Variants in HS3ST1 observed in about 807,000 individuals in gnomAD.
The protein encoded by HS3ST1 is heparan sulfate glucosamine 3-O-sulfotransferase 1.
A neutral mutation model predicts 20.7 loss-of-function variants in HS3ST1; 8 were observed. The observed-to-expected ratio is 0.39, with a 90% confidence interval of 0.23 to 0.70. The LOEUF (loss-of-function observed/expected upper bound fraction) is 0.70, where lower values mean the gene tolerates loss of function less well. Among genes scored for constraint, HS3ST1 ranks in the 30% least tolerant of loss-of-function variants. The probability of loss-of-function intolerance (pLI) is 0.46; values close to 1 mark genes in which losing one functional copy is unlikely to be tolerated. For missense variants in HS3ST1, 436 were observed against 423.4 expected (o/e 1.03, Z -0.26); for synonymous variants, 205 against 190.4 (o/e 1.08, Z -0.63).
upstream of HS3ST1, among the ~76,000 whole-genome samples, chr4:11,433,839 G>A (rs1031793257): frequency 1.3e-5 from 2 of 152,192 alleles, no homozygotes; most frequent in African/African-American, 4.8e-5. Flanking sequence ...TGCATTAACA[G>A]AAAAATTACA....
intron 1 of HS3ST1, among the ~76,000 whole-genome samples, chr4:11,409,076 G>A (rs1489877526): frequency 6.6e-6 from 1 of 152,204 alleles, no homozygotes; most frequent in Non-Finnish European, 1.5e-5. Flanking sequence ...ACTGAGGTAA[G>A]CAGAGAACAA....
In HS3ST1 at chr4:11,399,094, A is replaced by C; in HGVS notation, c.912T>G (p.Phe304Leu). 6.2e-7 allele frequency: 1 copy of C among 1,611,398 alleles called. No homozygotes were observed. The highest frequency in any genetic ancestry group is 8.5e-7 in the Non-Finnish European group (1 of 1,177,770). ...KKFFELVGRT[F>L]DWH Reference sequence around the variant, plus strand: ...AGCTTATTGCAAATCAGTGCCAGTCAAATGTTCTGCCAACAAGCTCGAAGA... The same window carrying C: ...AGCTTATTGCAAATCAGTGCCAGTCCAATGTTCTGCCAACAAGCTCGAAGA... The change falls in exon 2 of 2, where the codon TTT (phenylalanine) becomes TTG (leucine). Residue 304 changes from phenylalanine (F) to leucine (L), a missense_variant. Coordinates refer to ENST00000002596, the MANE Select transcript of HS3ST1 (RefSeq NM_005114.4). This position sits in a 1 kb window ranked among gnomAD's most constrained non-coding sequence, Gnocchi z 5.1.
At chr4:11,404,330 G>C (rs1315697538) in intron 1 of HS3ST1, among the ~76,000 whole-genome samples, 1 of 152,188 alleles carries the variant, frequency 6.6e-6, no homozygotes, top group East Asian at 1.9e-4. Context: ...GATTCCAGGT[G>C]TGAGCCACCA....
chr4:11,422,631 C>T (rs1164211912), intron 1 of HS3ST1, among the ~76,000 whole-genome samples: 4 of 151,720 alleles, frequency 2.6e-5, no homozygotes, highest in Non-Finnish European at 4.4e-5. Context: ...TGCACAACTG[C>T]CTTGTGAACG....
At chr4:11,433,561 C>T (rs149119864), upstream of HS3ST1, among the ~76,000 whole-genome samples, 732 of 152,230 alleles carry the variant, frequency 4.8e-3, 3 homozygotes, top group South Asian at 0.021. Context: ...AATTGTGGCA[C>T]TCTCTTTGAT....
In HS3ST1 at chr4:11,393,531, C is replaced by A. The variant is rs76320854; in HGVS notation, c.*5551G>T. 1 of 152,154 alleles carries A rather than the reference C, an allele frequency of 6.6e-6. No homozygotes were observed. Among genetic ancestry groups the A allele is most frequent in the African/African-American group, 2.4e-5 (1 of 41,432 alleles). 9.4% of individuals were successfully genotyped at this position (152,154 alleles called of 1,614,324 possible). A position where few individuals can be genotyped will look rare whatever the true frequency, so the allele number is the denominator to read the frequency against. On this transcript the variant is annotated 3_prime_UTR_variant, in exon 2 of 2. Coordinates refer to ENST00000002596, the MANE Select transcript of HS3ST1 (RefSeq NM_005114.4). Reference sequence around the variant, plus strand: ...AGAGTGGATGGTCTAGAAGCAAAGTCTGAGGGGGGATTCCTGTTTTCTTGG... The same window carrying A: ...AGAGTGGATGGTCTAGAAGCAAAGTATGAGGGGGGATTCCTGTTTTCTTGG...
At chr4:11,421,732 C>CTA (rs1467304578) in intron 1 of HS3ST1, among the ~76,000 whole-genome samples, 2 of 152,190 alleles carry the variant, frequency 1.3e-5, no homozygotes, top group Non-Finnish European at 2.9e-5. Context: ...TGTTTCACAT[C>CTA]TAAATGTATT....
At chr4:11,404,959 T>G (rs1461766832) in intron 1 of HS3ST1, among the ~76,000 whole-genome samples, 1 of 152,232 alleles carries the variant, frequency 6.6e-6, no homozygotes, top group Non-Finnish European at 1.5e-5. Flanking sequence ...TCTAGAAAGT[T>G]AGAGGAGGTG....
intron 1 of HS3ST1, among the ~76,000 whole-genome samples, chr4:11,406,019 C>G (rs1049945249): frequency 2.6e-5 from 4 of 152,168 alleles, no homozygotes; most frequent in African/African-American, 9.7e-5. Context: ...CACAGCCCCT[C>G]AATGAGAGAT....
At chr4:11,403,286 C>A (rs1718378028) in intron 1 of HS3ST1, among the ~76,000 whole-genome samples, 1 of 152,196 alleles carries the variant, frequency 6.6e-6, no homozygotes, top group Non-Finnish European at 1.5e-5. Flanking sequence ...TGGGAGCCAA[C>A]TTCCTCTTGT....
upstream of HS3ST1, among the ~76,000 whole-genome samples, chr4:11,430,042 C>G (rs1009816590): frequency 6.6e-6 from 1 of 151,824 alleles, no homozygotes; most frequent in Non-Finnish European, 1.5e-5. Flanking sequence ...TATATTTCAC[C>G]AACATTGTTT....
chr4:11,414,020 G>A (rs1034833658), intron 1 of HS3ST1: 3 of 152,292 alleles, frequency 2.0e-5, no homozygotes, highest in Admixed American at 2.0e-4. Context: ...GAGGATGCAT[G>A]AGATAGGCTT....
At chr4:11,422,264 C>T (rs925755921) in intron 1 of HS3ST1, among the ~76,000 whole-genome samples, 3 of 152,154 alleles carry the variant, frequency 2.0e-5, no homozygotes, top group South Asian at 4.1e-4. Flanking sequence ...CACCATGAAC[C>T]GCTTCCTAAC....
intron 1 of HS3ST1, among the ~76,000 whole-genome samples, chr4:11,404,546 A>G (rs968982664): frequency 6.6e-6 from 1 of 152,242 alleles, no homozygotes; most frequent in African/African-American, 2.4e-5. Flanking sequence ...AGTGTGGAAC[A>G]CACTCTCCTG....
intron 1 of HS3ST1, among the ~76,000 whole-genome samples, chr4:11,408,470 A>G (rs771612174): frequency 6.6e-6 from 1 of 152,232 alleles, no homozygotes; most frequent in African/African-American, 2.4e-5. Flanking sequence ...GGACAGTGAC[A>G]CATAGAAATA....
intron 1 of HS3ST1, among the ~76,000 whole-genome samples, chr4:11,420,498 C>T (rs971666858): frequency 6.6e-5 from 10 of 152,162 alleles, no homozygotes; most frequent in Non-Finnish European, 1.3e-4. Flanking sequence ...CTCAGTGGAA[C>T]GCTGTGTGAC....
chr4:11,433,160 A>T (rs145077560), upstream of HS3ST1, among the ~76,000 whole-genome samples: 611 of 152,248 alleles, frequency 4.0e-3, 1 homozygote, highest in Middle Eastern at 0.014. Flanking sequence ...ATCTTCTTTA[A>T]TCTAAAAGTT....
intron 1 of HS3ST1, among the ~76,000 whole-genome samples, chr4:11,407,964 A>G (rs974446305): frequency 6.6e-6 from 1 of 152,158 alleles, no homozygotes; most frequent in Non-Finnish European, 1.5e-5. Context: ...GAGATGGGCA[A>G]TGTCTTTTGT....
intron 1 of HS3ST1, among the ~76,000 whole-genome samples, chr4:11,415,604 T>G (rs185585430): frequency 1.6e-4 from 24 of 152,286 alleles, no homozygotes; most frequent in African/African-American, 5.3e-4. Context: ...AATTGATGAG[T>G]AAGAAAGAAA....
Sources: gnomAD v4.1 joint callset for allele counts (sites outside exome capture counted in the v4.1 genomes callset) on GRCh38, gnomAD v4.1.1 for gene constraint, Gnocchi (gnomAD v3.1) non-coding constraint, MANE v1.5 for transcripts, NCBI Gene and HGNC (gene_info 2026-07-23, HGNC 2026-07-21) for gene names.